The following CHIC1 variants were observed in gnomAD, a reference collection of about 807,000 sequenced individuals.
CHIC1 encodes cysteine-rich hydrophobic domain-containing protein 1.
Under a neutral mutation model 18.5 loss-of-function variants are expected in CHIC1, and 7 were observed. The observed-to-expected ratio is 0.38, with a 90% CI of 0.22 to 0.71. The LOEUF is 0.71. Ranked by LOEUF, CHIC1 falls within the 30% of genes least tolerant of loss-of-function variation. The pLI, the probability that CHIC1 is intolerant of heterozygous loss-of-function variation, is 0.49. For missense variants in CHIC1, 159 were observed against 176.9 expected (o/e 0.90, Z 0.57); for synonymous variants, 77 against 73.5 (o/e 1.05, Z -0.25).
intron 3 of CHIC1, among the ~76,000 whole-genome samples, chrX:73,601,496 T>A (rs922564038): frequency 2.8e-5 from 3 of 106,048 alleles, no homozygotes; most frequent in Non-Finnish European, 3.8e-5. Context: ...GAAATAAAGA[T>A]GTTCTTTGAA....
Position 73,683,197 on chromosome X carries a change from G to A in CHIC1, c.*2192G>A, listed in dbSNP as rs2058106231. 1.8e-5 allele frequency: 2 copies of A among 111,034 alleles called. No homozygotes were observed. The highest frequency in any genetic ancestry group is 3.8e-5 in the Non-Finnish European group (2 of 52,679). 9.2% of individuals were successfully genotyped at this position (111,034 alleles called of 1,213,427 possible). A position where few individuals can be genotyped will look rare whatever the true frequency, so the allele number is the denominator to read the frequency against. On this transcript the variant is annotated 3_prime_UTR_variant, in exon 6 of 6. Coordinates refer to ENST00000373502, the MANE Select transcript of CHIC1 (RefSeq NM_001039840.4). ...ACACAGTATAATACAAGTTACAGTA[G>A]CATTTGTCACAAAAACCACTTGTCA...
intron 3 of CHIC1, among the ~76,000 whole-genome samples, chrX:73,611,409 T>C (rs965415555): frequency 2.5e-4 from 27 of 109,032 alleles, no homozygotes; most frequent in African/African-American, 8.2e-4. Flanking sequence ...GTTCTTAATC[T>C]GGTCTATCGT....
intron 3 of CHIC1, among the ~76,000 whole-genome samples, chrX:73,608,863 C>T (rs915443242): frequency 5.6e-5 from 6 of 107,470 alleles, no homozygotes; most frequent in East Asian, 2.8e-4. Flanking sequence ...AATTTAGGTG[C>T]GTTTTTGGCA....
intron 1 of CHIC1, among the ~76,000 whole-genome samples, chrX:73,569,293 T>C (rs1225309668): frequency 9.0e-6 from 1 of 111,293 alleles, no homozygotes; most frequent in Non-Finnish European, 1.9e-5. Context: ...TTTTCAAATA[T>C]GAAAAATGGT....
intron 3 of CHIC1, among the ~76,000 whole-genome samples, chrX:73,616,125 T>C (rs1250005938): frequency 1.8e-5 from 2 of 110,543 alleles, no homozygotes; most frequent in African/African-American, 6.6e-5. Context: ...GGGCTCTCAG[T>C]GTGCACCTTA....
intron 3 of CHIC1, among the ~76,000 whole-genome samples, chrX:73,622,426 G>T (rs1184081870): frequency 9.0e-6 from 1 of 111,302 alleles, no homozygotes; most frequent in Non-Finnish European, 1.9e-5. Flanking sequence ...GACTTGGGAG[G>T]GTTTATGTGT....
chrX:73,629,051 T>G lies in CHIC1; in HGVS notation c.507+44479T>G, dbSNP rs1297720235. On this transcript the variant is annotated intron_variant, in intron 3 of 5. Transcript: ENST00000373502. ...TTTTAGGTAATACATCATTGTGGTG[T>G]TGATTTGCATTCTCTGGTGATCAGT... Among the ~76,000 whole-genome samples, 3 of 111,725 alleles carry G rather than the reference T, an allele frequency of 2.7e-5. No individual in the cohort carries two copies. In the Admixed American group the frequency reaches 2.9e-4, roughly 11 times the overall value.
chrX:73,644,720 T>G (rs939382774), intron 3 of CHIC1, among the ~76,000 whole-genome samples: 2 of 112,451 alleles, frequency 1.8e-5, no homozygotes, highest in African/African-American at 6.5e-5. Context: ...TGCTCTTTTT[T>G]AAGCCCATTT....
chrX:73,576,503 A>G (rs2057499990), intron 1 of CHIC1, among the ~76,000 whole-genome samples: 1 of 110,401 alleles, frequency 9.1e-6, no homozygotes, highest in Non-Finnish European at 1.9e-5. Context: ...TATGCACTCT[A>G]TCTTTGAAAC....
chrX:73,632,222 T>C (rs1157810704), intron 3 of CHIC1, among the ~76,000 whole-genome samples: 2 of 112,208 alleles, frequency 1.8e-5, no homozygotes, highest in African/African-American at 6.5e-5. Context: ...GACCACTTTA[T>C]TATATAGTGT....
intron 3 of CHIC1, among the ~76,000 whole-genome samples, chrX:73,653,020 C>T (rs746999790): frequency 8.9e-6 from 1 of 111,826 alleles, no homozygotes; most frequent in South Asian, 3.8e-4. Flanking sequence ...AAATGTGGTA[C>T]ATATACACCA....
chrX:73,686,788 G>A lies in CHIC1; in HGVS notation c.*5783G>A, dbSNP rs990851305. ...TAAAAATATCTGGTGGAGAAGCCTAGGATTTCAACTTTTTGTCAGAGGATT... is the reference window on the plus strand; with the variant it reads ...TAAAAATATCTGGTGGAGAAGCCTAAGATTTCAACTTTTTGTCAGAGGATT... On this transcript the variant is annotated 3_prime_UTR_variant, in exon 6 of 6. Transcript: ENST00000373502. The A allele has an allele frequency of 9.0e-6, 1 of 111,376 alleles. No homozygotes were observed. The highest frequency in any genetic ancestry group is 3.3e-5 in the African/African-American group (1 of 30,703). 9.2% of individuals were successfully genotyped at this position (111,376 alleles called of 1,213,427 possible).
intron 3 of CHIC1, among the ~76,000 whole-genome samples, chrX:73,626,934 T>A (rs929858633): frequency 1.8e-5 from 2 of 110,291 alleles, no homozygotes; most frequent in African/African-American, 3.3e-5. Flanking sequence ...TTTGTAGACA[T>A]CCTTCTTGAG....
rs779817833 is a variant in CHIC1 at position 73,648,134 on chromosome X, G to A, written c.508-31192G>A. On this transcript the variant is annotated intron_variant, in intron 3 of 5. Transcript: ENST00000373502. ...GAGAAGAGGGACCTGACCATTGAAA[G>A]AAAAACAAACAGAAAGCAACAACAA... Among the ~76,000 whole-genome samples, 165 of 111,215 alleles carry A rather than the reference G, an allele frequency of 1.5e-3. 2 individuals carry two copies. Among genetic ancestry groups the A allele is most frequent in the Middle Eastern group, 0.014 (3 of 218 alleles).
rs1454501750 is a variant in CHIC1 at position 73,643,009 on chromosome X, T to C, written c.508-36317T>C. ...GGATTGACTTGGCGTTGCAGGCCGG[T>C]TGTTCCTTTCCATGTTTAGTGCTTC... is the stretch of plus-strand genomic sequence containing the variant. On this transcript the variant is annotated intron_variant, in intron 3 of 5. Coordinates refer to ENST00000373502, the MANE Select transcript of CHIC1 (RefSeq NM_001039840.4). Among the ~76,000 whole-genome samples the C allele has an allele frequency of 2.7e-5, 3 of 111,934 alleles. No individual in the cohort carries two copies. In the Admixed American group the frequency reaches 2.8e-4, roughly 11 times the overall value.
At chrX:73,650,009 A>C (rs768212514) in intron 3 of CHIC1, among the ~76,000 whole-genome samples, 3 of 112,489 alleles carry the variant, frequency 2.7e-5, no homozygotes, top group Admixed American at 9.4e-5. Flanking sequence ...GTGCAATCTA[A>C]TTAGAACTCA....
At chrX:73,644,257 A>G (rs986100453) in intron 3 of CHIC1, among the ~76,000 whole-genome samples, 8 of 111,878 alleles carry the variant, frequency 7.2e-5, no homozygotes, top group Admixed American at 9.4e-5. Context: ...TTTGTCACAG[A>G]GGAGTACCCG....
intron 3 of CHIC1, among the ~76,000 whole-genome samples, chrX:73,646,478 T>C (rs1474199280): frequency 8.9e-6 from 1 of 112,227 alleles, no homozygotes; most frequent in African/African-American, 3.2e-5. Context: ...AAACACAAAA[T>C]ATCCTTCCAT....
chrX:73,638,167 A>G (rs932569085), intron 3 of CHIC1, among the ~76,000 whole-genome samples: 19 of 111,480 alleles, frequency 1.7e-4, no homozygotes, highest in Admixed American at 4.8e-4. Flanking sequence ...TAATTTCACA[A>G]CCAGTCTCAT....
Sources: allele counts gnomAD v4.1 joint callset (sites outside exome capture counted in the v4.1 genomes callset), GRCh38; gene constraint gnomAD v4.1.1; transcripts MANE v1.5; gene names NCBI Gene and HGNC (gene_info 2026-07-23, HGNC 2026-07-21).